The following EFL1 variants were observed in gnomAD, a reference collection of about 807,000 sequenced individuals.
EFL1 encodes the protein elongation factor-like GTPase 1.
In EFL1, 76 loss-of-function variants were observed where a neutral mutation model predicts 126.7. The ratio of observed to expected loss-of-function variants is 0.60; its 90% CI spans 0.50 to 0.73. The LOEUF is 0.73. EFL1 is among the 30% of genes least tolerant of loss of function. EFL1 has a pLI of 0.00. For missense variants in EFL1, 1,128 were observed against 1,343.2 expected, an observed-to-expected ratio of 0.84 and a Z score of 2.50; for synonymous variants, 410 against 448.4, an observed-to-expected ratio of 0.91 and a Z score of 1.08.
chr15:82,240,517 G>A lies in EFL1; in HGVS notation c.417C>T (p.Ile139=). Residue 139 remains isoleucine, a synonymous_variant, in exon 6 of 20, where the codon ATC becomes ATT. Coordinates refer to ENST00000268206, the MANE Select transcript of EFL1 (RefSeq NM_024580.6). ...TCTTATTAATCACTAAAACCGGACGGATGTTTTCAAGCCAAGCTTGTCGCA... is the reference window on the plus strand; with the variant it reads ...TCTTATTAATCACTAAAACCGGACGAATGTTTTCAAGCCAAGCTTGTCGCA... The part of the protein sequence containing the change: ...AVLRQAWLEN[I]RPVLVINKID... The A allele has an allele frequency of 1.2e-6, 2 of 1,614,066 alleles. No homozygotes were observed. The highest frequency in any genetic ancestry group is 1.7e-6 in the Non-Finnish European group (2 of 1,180,006).
At chr15:82,181,761 T>C (rs1404732866) in intron 15 of EFL1, among the ~76,000 whole-genome samples, 1 of 152,300 alleles carries the variant, frequency 6.6e-6, no homozygotes, top group African/African-American at 2.4e-5. Flanking sequence ...CCAGTTTTCC[T>C]GTGTTACATT....
intron 4 of EFL1, among the ~76,000 whole-genome samples, chr15:82,251,920 T>C (rs1485062270): frequency 1.3e-5 from 2 of 152,232 alleles, no homozygotes; most frequent in Non-Finnish European, 2.9e-5. Context: ...CTCCATAATC[T>C]AGCCCCTGCA....
At chr15:82,224,740 A>C (rs762690018) in intron 12 of EFL1, among the ~76,000 whole-genome samples, 1 of 152,218 alleles carries the variant, frequency 6.6e-6, no homozygotes, top group Non-Finnish European at 1.5e-5. Flanking sequence ...AACTTGAGGA[A>C]TATCCCTCTC....
chr15:82,211,428 A>C (rs866237822), intron 15 of EFL1, among the ~76,000 whole-genome samples: 1 of 151,744 alleles, frequency 6.6e-6, no homozygotes, highest in Non-Finnish European at 1.5e-5. Flanking sequence ...CAGGAGGCTT[A>C]GGCAGAAGAA....
Position 82,163,912 on chromosome 15 carries a change from A to G in EFL1, c.1823T>C (p.Ile608Thr), listed in dbSNP as rs1411441151. ...LCSLPSCPPF[I>T]PLNFEATPIV... is the part of the protein sequence containing the mutation. Reference sequence around the variant, plus strand: ...AGGAGTGGCTTCGAAGTTGAGTGGTATAAATGGTGGGCAGGATGGCAGGCT... The same window carrying G: ...AGGAGTGGCTTCGAAGTTGAGTGGTGTAAATGGTGGGCAGGATGGCAGGCT... Residue 608 changes from isoleucine (I) to threonine (T), a missense_variant, in exon 16 of 20, where the codon ATA becomes ACA. By Grantham distance (89) the Ile-to-Thr change is moderately conservative. This residue lies in a region of EFL1 where 561 missense variants were observed against 641.7 expected (regional missense o/e 0.87). Coordinates refer to ENST00000268206, the MANE Select transcript of EFL1 (RefSeq NM_024580.6). 1 of 1,614,174 alleles carries G rather than the reference A, an allele frequency of 6.2e-7. No individual in the cohort carries two copies. The highest frequency in any genetic ancestry group is 8.5e-7 in the Non-Finnish European group (1 of 1,179,994).
At chr15:82,205,727 T>G (rs148381074) in intron 15 of EFL1, among the ~76,000 whole-genome samples, 2 of 152,268 alleles carry the variant, frequency 1.3e-5, no homozygotes, top group African/African-American at 4.8e-5. Context: ...AAGAGGAATA[T>G]ACTCTTTGAA....
At chr15:82,176,647 C>T (rs936836281) in intron 15 of EFL1, among the ~76,000 whole-genome samples, 9 of 152,070 alleles carry the variant, frequency 5.9e-5, no homozygotes, top group African/African-American at 1.4e-4. Context: ...AAAAATGACT[C>T]GAATGAAAGC....
At chr15:82,131,628 TAA>T (rs1196777841) in intron 19 of EFL1, among the ~76,000 whole-genome samples, 4 of 150,658 alleles carry the variant, frequency 2.7e-5, no homozygotes, top group Non-Finnish European at 1.5e-5. Context: ...CTGTCTCTAC[TAA>T]AAATACAAAA....
chr15:82,258,385 C>G (rs1178887075), intron 3 of EFL1, among the ~76,000 whole-genome samples: 2 of 151,910 alleles, frequency 1.3e-5, no homozygotes, highest in Non-Finnish European at 2.9e-5. Context: ...ATGGCAAAAC[C>G]CTGTCTCTAC....
intron 4 of EFL1, among the ~76,000 whole-genome samples, chr15:82,244,054 T>C (rs1472731856): frequency 1.3e-5 from 2 of 152,242 alleles, no homozygotes; most frequent in South Asian, 4.1e-4. Context: ...AAGGAGGAAA[T>C]GCCATGGTCA....
chr15:82,189,823 A>C (rs567429125), intron 15 of EFL1, among the ~76,000 whole-genome samples: 25 of 152,234 alleles, frequency 1.6e-4, no homozygotes, highest in African/African-American at 6.0e-4. Flanking sequence ...TTTCACTTAA[A>C]ATTTTCACTG....
intron 15 of EFL1, among the ~76,000 whole-genome samples, chr15:82,176,796 C>T (rs1300664519): frequency 1.3e-5 from 2 of 152,148 alleles, no homozygotes; most frequent in South Asian, 2.1e-4. Flanking sequence ...AGAAAGCAGA[C>T]ACATTAACCA....
At chr15:82,192,646 C>A (rs1233367051) in intron 15 of EFL1, among the ~76,000 whole-genome samples, 1 of 152,000 alleles carries the variant, frequency 6.6e-6, no homozygotes, top group East Asian at 1.9e-4. Flanking sequence ...AGGTGGAAAG[C>A]CCTTGTGAAC....
chr15:82,180,971 G>A (rs79526846), intron 15 of EFL1, among the ~76,000 whole-genome samples: 2,496 of 152,114 alleles, frequency 0.016, 43 homozygotes, highest in Middle Eastern at 0.041. Flanking sequence ...CAAGCAATCC[G>A]TCTGCCTCGG....
intron 12 of EFL1, among the ~76,000 whole-genome samples, chr15:82,222,379 T>A (rs777084802): frequency 3.3e-5 from 5 of 152,256 alleles, no homozygotes; most frequent in Non-Finnish European, 7.3e-5. Flanking sequence ...CACCAGGTTA[T>A]GTCTTTCCTT....
chr15:82,203,355 G>T (rs142074824), intron 15 of EFL1, among the ~76,000 whole-genome samples: 1 of 152,084 alleles, frequency 6.6e-6, no homozygotes, highest in African/African-American at 2.4e-5. Flanking sequence ...ACAATATATG[G>T]CATGTACATG....
intron 15 of EFL1, among the ~76,000 whole-genome samples, chr15:82,174,024 C>G (rs113582958): frequency 6.6e-6 from 1 of 152,022 alleles, no homozygotes; most frequent in African/African-American, 2.4e-5. Flanking sequence ...CCTGCCTCTA[C>G]TAAAAATACA....
chr15:82,190,222 A>G (rs1428229946), intron 15 of EFL1, among the ~76,000 whole-genome samples: 1 of 151,942 alleles, frequency 6.6e-6, no homozygotes. Flanking sequence ...TCTGTTCCTC[A>G]CTGCGTTGTT....
intron 15 of EFL1, among the ~76,000 whole-genome samples, chr15:82,177,872 G>A (rs1448414152): frequency 6.6e-6 from 1 of 152,180 alleles, no homozygotes; most frequent in Non-Finnish European, 1.5e-5. Flanking sequence ...GAAAACCAGA[G>A]AGAAAGTGCT....
Sources: allele counts gnomAD v4.1 joint callset (sites outside exome capture counted in the v4.1 genomes callset), GRCh38; gene constraint gnomAD v4.1.1; regional missense constraint gnomAD v4.1.1; transcripts MANE v1.5; gene names NCBI Gene and HGNC (gene_info 2026-07-23, HGNC 2026-07-21).